Variants in SDK1 observed in about 807,000 individuals in gnomAD.
SDK1 encodes protein sidekick-1.
Under a neutral mutation model 245.5 loss-of-function variants are expected in SDK1, and 157 were observed. The observed-to-expected ratio is 0.64, with a 90% CI of 0.56 to 0.73. The LOEUF (loss-of-function observed/expected upper bound fraction) is 0.73. Among genes scored for constraint, SDK1 ranks in the 30% least tolerant of loss-of-function variants. The probability of loss-of-function intolerance (pLI) is 0.00; values close to 1 mark genes in which losing one functional copy is unlikely to be tolerated. For synonymous variants in SDK1, 1,647 were observed against 1,278.5 expected (o/e 1.29, Z -6.15); for missense variants, 3,583 against 3,002.3 (o/e 1.19, Z -4.52).
At chr7:3,651,072 A>G (rs139243652) in intron 4 of SDK1, among the ~76,000 whole-genome samples, 6 of 151,592 alleles carry the variant, frequency 4.0e-5, no homozygotes, top group South Asian at 2.1e-4. Flanking sequence ...GTGTTCATAC[A>G]CACACATGCC....
At chr7:3,849,956 A>G (rs1370598342) in intron 5 of SDK1, among the ~76,000 whole-genome samples, 2 of 152,354 alleles carry the variant, frequency 1.3e-5, no homozygotes, top group Non-Finnish European at 2.9e-5. Flanking sequence ...TTGGAAGAAT[A>G]ATATGTATTT....
intron 20 of SDK1, among the ~76,000 whole-genome samples, chr7:4,076,551 A>G (rs62439620): frequency 1.4e-5 from 2 of 138,692 alleles, no homozygotes; most frequent in Admixed American, 7.2e-5. Flanking sequence ...CTCAAAAATA[A>G]ATAGATAGAT....
chr7:3,704,988 A>T (rs1194005296), intron 4 of SDK1, among the ~76,000 whole-genome samples: 1 of 152,188 alleles, frequency 6.6e-6, no homozygotes, highest in South Asian at 2.1e-4. Context: ...GTCAAAGATC[A>T]GTTGATTTTA....
At chr7:4,101,436 C>G (rs574230141) in intron 22 of SDK1, among the ~76,000 whole-genome samples, 2 of 152,184 alleles carry the variant, frequency 1.3e-5, no homozygotes, top group African/African-American at 2.4e-5. Context: ...CGTGAGCCAC[C>G]GCACCCGGCG....
intron 2 of SDK1, among the ~76,000 whole-genome samples, chr7:3,620,407 A>T (rs187900631): frequency 6.6e-6 from 1 of 151,754 alleles, no homozygotes; most frequent in East Asian, 1.9e-4. Context: ...GGTTCAAATG[A>T]TTCTCCTGCC....
rs78024255 is a variant in SDK1, at chr7:3,384,829, C to T, written c.298+82945C>T. Among the ~76,000 whole-genome samples, 323 of 152,264 alleles carry T rather than the reference C, an allele frequency of 2.1e-3. 5 individuals are homozygous for T. In the East Asian group the frequency reaches 0.046, roughly 22 times the overall value. On this transcript the variant is annotated intron_variant, in intron 1 of 44. Coordinates refer to ENST00000404826, the MANE Select transcript of SDK1 (RefSeq NM_152744.4). ...ACATAGGTACACACATATATGTATGCTTGTATTTTTATTTTACTTACTGCA... is the reference window on the plus strand; with the variant it reads ...ACATAGGTACACACATATATGTATGTTTGTATTTTTATTTTACTTACTGCA...
intron 20 of SDK1, among the ~76,000 whole-genome samples, chr7:4,072,650 G>A (rs532286156): frequency 1.1e-4 from 16 of 152,354 alleles, no homozygotes; most frequent in South Asian, 2.1e-4. Flanking sequence ...CCTGGCTGCC[G>A]GTTTCTGGAA....
chr7:3,375,653 G>A (rs182919842), intron 1 of SDK1, among the ~76,000 whole-genome samples: 1 of 152,176 alleles, frequency 6.6e-6, no homozygotes, highest in Non-Finnish European at 1.5e-5. Flanking sequence ...AAGCAACTCT[G>A]TGGAGAAGTC....
chr7:3,549,283 G>A (rs1355133318), intron 1 of SDK1, among the ~76,000 whole-genome samples: 1 of 152,100 alleles, frequency 6.6e-6, no homozygotes, highest in Non-Finnish European at 1.5e-5. Flanking sequence ...TTTGTGGAAG[G>A]CACCACCGGG....
rs61735683 is a variant in SDK1 at position 4,220,152 on chromosome 7, G to A, written c.5583G>A (p.Gln1861=). ...VVTVEVRGNW[Q]RWLKVRDLTK... Reference sequence around the variant, plus strand: ...CCGTGGAAGTGAGAGGGAACTGGCAGCGCTGGCTGAAGGTGCGGGACCTCA... The same window carrying A: ...CCGTGGAAGTGAGAGGGAACTGGCAACGCTGGCTGAAGGTGCGGGACCTCA... Residue 1861 remains glutamine, a synonymous_variant, in exon 39 of 45, where the codon CAG becomes CAA. Transcript: ENST00000404826. 6.8e-6 allele frequency: 11 copies of A among 1,613,942 alleles called. No individual in the cohort carries two copies. Among genetic ancestry groups the A allele is most frequent in the Middle Eastern group, 1.6e-4 (1 of 6,084 alleles).
chr7:3,967,483 C>A, intron 10 of SDK1, 49 bp downstream of exon 10: 3 of 1,132,776 alleles, frequency 2.6e-6, no homozygotes, highest in Non-Finnish European at 4.0e-6. Flanking sequence ...TAGAACATAA[C>A]CTATCGGGCC....
chr7:3,479,489 C>A lies in SDK1; in HGVS notation c.299-139591C>A. Among the ~76,000 whole-genome samples the A allele has an allele frequency of 1.4e-5, 2 of 148,042 alleles. 1 individual carries two copies. The highest frequency in any genetic ancestry group is 4.0e-4 in the East Asian group (2 of 4,996). ...GGTGGATACAGGGCTCTAAAAATAT[C>A]TGTTAATCATATTGTCTAAATTGTC... On this transcript the variant is annotated intron_variant, in intron 1 of 44. Coordinates refer to ENST00000404826, the MANE Select transcript of SDK1 (RefSeq NM_152744.4).
chr7:3,433,870 T>C (rs1019606426), intron 1 of SDK1, among the ~76,000 whole-genome samples: 2 of 152,210 alleles, frequency 1.3e-5, no homozygotes, highest in Non-Finnish European at 2.9e-5. Context: ...CAGAAATATG[T>C]GTTTTAGACA....
intron 35 of SDK1, among the ~76,000 whole-genome samples, chr7:4,202,100 C>T (rs1783920064): frequency 6.6e-6 from 1 of 152,198 alleles, no homozygotes; most frequent in South Asian, 2.1e-4. Context: ...TTCCAGGAAA[C>T]ATCCACATCC....
chr7:3,687,434 A>G (rs1043827411), intron 4 of SDK1, among the ~76,000 whole-genome samples: 1 of 152,150 alleles, frequency 6.6e-6, no homozygotes, highest in Non-Finnish European at 1.5e-5. Context: ...GCCCCATAGC[A>G]TTTTTATTCA....
chr7:4,247,566 G>T (rs567437392), intron 44 of SDK1, among the ~76,000 whole-genome samples: 1 of 152,236 alleles, frequency 6.6e-6, no homozygotes, highest in African/African-American at 2.4e-5. Flanking sequence ...TCAGCAAAGA[G>T]GCTCATCTCA....
At chr7:4,104,730 G>T (rs117715911) in intron 22 of SDK1, among the ~76,000 whole-genome samples, 3 of 152,120 alleles carry the variant, frequency 2.0e-5, no homozygotes, top group Non-Finnish European at 2.9e-5. Flanking sequence ...TTGAGGCAGG[G>T]TCTCACTCTG....
intron 5 of SDK1, among the ~76,000 whole-genome samples, chr7:3,947,948 T>C (rs111709328): frequency 6.6e-6 from 1 of 152,204 alleles, no homozygotes; most frequent in African/African-American, 2.4e-5. Context: ...TGGTTTTGTT[T>C]CATTTTAAGC....
chr7:3,509,869 C>T (rs1180171666), intron 1 of SDK1, among the ~76,000 whole-genome samples: 3 of 152,174 alleles, frequency 2.0e-5, no homozygotes, highest in African/African-American at 7.2e-5. Context: ...CAGTGGTTCT[C>T]AGTTCAGACT....
Sources: allele counts gnomAD v4.1 joint callset (sites outside exome capture counted in the v4.1 genomes callset), GRCh38; gene constraint gnomAD v4.1.1; transcripts MANE v1.5; gene names NCBI Gene and HGNC (gene_info 2026-07-23, HGNC 2026-07-21).